The following CMSS1 variants were observed in gnomAD, a reference collection of about 807,000 sequenced individuals.
The protein encoded by CMSS1 is cms1 ribosomal small subunit homolog, also known as protein CMSS1.
In CMSS1, 33 loss-of-function variants were observed where a neutral mutation model predicts 43.5. That is an observed-to-expected ratio of 0.76 (90% CI 0.57 to 1.01). The LOEUF is 1.01. CMSS1 is among the 50% of genes least tolerant of loss of function. The pLI is 0.00. For synonymous variants in CMSS1, 115 were observed against 117.2 expected (o/e 0.98, Z 0.12); for missense variants, 313 against 326.4 (o/e 0.96, Z 0.32).
intron 1 of CMSS1, among the ~76,000 whole-genome samples, chr3:100,135,446 G>GTC (rs1368777526): frequency 8.6e-6 from 1 of 116,014 alleles, no homozygotes; most frequent in East Asian, 3.2e-4. Flanking sequence ...GCATGTGTGT[G>GTC]TGTGTGTGTG....
intron 1 of CMSS1, among the ~76,000 whole-genome samples, chr3:100,102,846 G>A (rs988526828): frequency 1.3e-5 from 2 of 152,216 alleles, no homozygotes; most frequent in African/African-American, 4.8e-5. Context: ...TAAGTGTATA[G>A]GAGAGAGGTT....
At chr3:100,154,003 A>G (rs2066947640) in intron 2 of CMSS1, among the ~76,000 whole-genome samples, 1 of 152,098 alleles carries the variant, frequency 6.6e-6, no homozygotes, top group African/African-American at 2.4e-5. Context: ...GGCATCTGCC[A>G]TCATGCCTGG....
chr3:99,995,211 C>G (rs1387959698), intron 1 of CMSS1, among the ~76,000 whole-genome samples: 1 of 152,082 alleles, frequency 6.6e-6, no homozygotes. Context: ...ACAGCTGTTC[C>G]AAATGGAAGA....
chr3:100,037,180 T>A (rs146985676), intron 1 of CMSS1, among the ~76,000 whole-genome samples: 3 of 151,200 alleles, frequency 2.0e-5, no homozygotes, highest in Non-Finnish European at 4.4e-5. Flanking sequence ...ATTTCCTGAT[T>A]TTGATCATTG....
At chr3:99,850,472 T>C in intron 1 of CMSS1, 1 of 1,613,954 alleles carries the variant, frequency 6.2e-7, no homozygotes, top group East Asian at 2.2e-5. Context: ...CTTTCAAGCC[T>C]CTTATTGAGA....
chr3:100,043,885 C>T (rs2065242483), intron 1 of CMSS1, among the ~76,000 whole-genome samples: 1 of 152,128 alleles, frequency 6.6e-6, no homozygotes, highest in Non-Finnish European at 1.5e-5. Context: ...AGTCATTATG[C>T]AGTGCAATAG....
At chr3:99,936,141 G>C (rs1182974208) in intron 1 of CMSS1, among the ~76,000 whole-genome samples, 2 of 151,792 alleles carry the variant, frequency 1.3e-5, no homozygotes, top group African/African-American at 4.8e-5. Flanking sequence ...GGATATTTTT[G>C]CTTGTATCAA....
At chr3:100,135,391 C>G (rs1469276986) in intron 1 of CMSS1, among the ~76,000 whole-genome samples, 1 of 150,986 alleles carries the variant, frequency 6.6e-6, no homozygotes, top group Non-Finnish European at 1.5e-5. Flanking sequence ...TCACCTAAAC[C>G]CCTGATGTGG....
At position 99,817,974 on chromosome 3, in the gene CMSS1, G is replaced by A. The variant is rs370596612; in HGVS notation, c.-6G>A. 1.7e-5 allele frequency: 28 copies of A among 1,613,930 alleles called. No homozygotes were observed. The highest frequency in any genetic ancestry group is 2.4e-5 in the Non-Finnish European group (28 of 1,179,984). On this transcript the variant is annotated 5_prime_UTR_variant, in exon 1 of 10. Transcript: ENST00000421999. ...ATGTTCTGCCCACGTCGAGACCTGA[G>A]CTGAAATGGCAGACGATCTCGGAGA...
At chr3:99,875,124 C>CT (rs1705445546) in intron 1 of CMSS1, among the ~76,000 whole-genome samples, 1 of 152,116 alleles carries the variant, frequency 6.6e-6, no homozygotes. Context: ...TTTTCATCTC[C>CT]TATTCCAGTG....
chr3:100,122,386 A>G (rs1407871988), intron 1 of CMSS1, among the ~76,000 whole-genome samples: 2 of 152,238 alleles, frequency 1.3e-5, no homozygotes, highest in Non-Finnish European at 2.9e-5. Context: ...GCCACTGGGC[A>G]TGGTTGGAAA....
intron 1 of CMSS1, among the ~76,000 whole-genome samples, chr3:99,865,598 A>G (rs758888873): frequency 2.0e-5 from 3 of 152,152 alleles, no homozygotes; most frequent in Non-Finnish European, 2.9e-5. Flanking sequence ...GGTTTAAAAA[A>G]TTGTGACTTT....
intron 1 of CMSS1, among the ~76,000 whole-genome samples, chr3:99,921,786 C>T (rs1364620854): frequency 1.3e-5 from 2 of 152,128 alleles, no homozygotes; most frequent in Non-Finnish European, 2.9e-5. Flanking sequence ...TTTCAAAATA[C>T]TATTCTTCAT....
intron 1 of CMSS1, among the ~76,000 whole-genome samples, chr3:100,116,533 G>A (rs540161105): frequency 2.6e-5 from 4 of 152,098 alleles, no homozygotes; most frequent in African/African-American, 7.2e-5. Flanking sequence ...CATCCATTAT[G>A]GAAAATGGTA....
At chr3:100,036,615 A>G (rs1286132946) in intron 1 of CMSS1, among the ~76,000 whole-genome samples, 1 of 152,228 alleles carries the variant, frequency 6.6e-6, no homozygotes, top group Non-Finnish European at 1.5e-5. Flanking sequence ...GAAAACCACC[A>G]TTTTGCAGCC....
At chr3:99,965,337 A>T (rs2107709128) in intron 1 of CMSS1, among the ~76,000 whole-genome samples, 1 of 152,292 alleles carries the variant, frequency 6.6e-6, no homozygotes, top group African/African-American at 2.4e-5. Flanking sequence ...CTGTGTTCTT[A>T]CTGGTGCAGG....
chr3:100,011,282 G>A (rs1376698005), intron 1 of CMSS1, among the ~76,000 whole-genome samples: 1 of 152,120 alleles, frequency 6.6e-6, no homozygotes. Context: ...TCTTTCTGTA[G>A]AACTCGACAC....
chr3:100,021,958 TGTGAGAGAGAGAGAGAGA>T (rs2064831301), intron 1 of CMSS1, among the ~76,000 whole-genome samples: 3 of 94,880 alleles, frequency 3.2e-5, no homozygotes, highest in African/African-American at 1.1e-4. Context: ...TGTGTGTGTG[TGTGAGAGAGAGAGAGAGA>T]GAGAGAGAGA....
intron 1 of CMSS1, among the ~76,000 whole-genome samples, chr3:100,079,585 T>A (rs538256091): frequency 6.6e-6 from 1 of 152,252 alleles, no homozygotes; most frequent in Non-Finnish European, 1.5e-5. Flanking sequence ...AGTGTCACTT[T>A]TGATTATTAA....
Sources: allele counts gnomAD v4.1 joint callset (sites outside exome capture counted in the v4.1 genomes callset), GRCh38; gene constraint gnomAD v4.1.1; transcripts MANE v1.5; gene names NCBI Gene and HGNC (gene_info 2026-07-23, HGNC 2026-07-21).